The following MFSD2B variants were observed in gnomAD, a reference collection of about 807,000 sequenced individuals.
MFSD2B encodes MFSD2 lysolipid transporter B, sphingolipid.
Under a neutral mutation model 58.4 loss-of-function variants are expected in MFSD2B, and 56 were observed. That is an observed-to-expected ratio of 0.96 (90% confidence interval 0.77 to 1.20). MFSD2B has a LOEUF of 1.20. MFSD2B is among the 50% of genes most tolerant of loss of function. MFSD2B has a pLI of 0.00. For missense variants in MFSD2B, 645 were observed against 667.6 expected (o/e 0.97, Z 0.37); for synonymous variants, 287 against 294.4 (o/e 0.97, Z 0.26).
rs544823996 is a variant in MFSD2B at position 24,025,615 on chromosome 2, G to A, written c.*159G>A. The A allele has an allele frequency of 7.4e-4, 494 of 663,626 alleles. No individual in the cohort carries two copies. The African/African-American group carries it at 8.1e-3, about 11-fold the overall frequency. 41.1% of individuals were successfully genotyped at this position (663,626 alleles called of 1,614,324 possible). ...CAACGTGTCCTGAAGGGACTGGCCC[G>A]CACTCCAGGACCCCACTTGGCATTT... On this transcript the variant is annotated 3_prime_UTR_variant, in exon 14 of 14. Transcript: ENST00000338315.
chr2:24,011,366 G>A (rs1438253925), intron 1 of MFSD2B, among the ~76,000 whole-genome samples: 1 of 152,220 alleles, frequency 6.6e-6, no homozygotes, highest in Non-Finnish European at 1.5e-5. Context: ...GGACTGTCAC[G>A]TTGAATTCTG....
At chr2:24,010,245 G>A in intron 1 of MFSD2B, 53 bp downstream of exon 1, 6 of 1,289,606 alleles carry the variant, frequency 4.7e-6, no homozygotes, top group Non-Finnish European at 6.0e-6. Flanking sequence ...GGAGCTCCAG[G>A]GCGTCGCCTC....
intron 6 of MFSD2B, among the ~76,000 whole-genome samples, chr2:24,019,423 C>T (rs1020678705): frequency 2.0e-5 from 3 of 151,998 alleles, no homozygotes; most frequent in Admixed American, 6.6e-5. Flanking sequence ...GCCCACCACC[C>T]ATTCAAGAAA....
intron 6 of MFSD2B, chr2:24,018,595 G>T: frequency 5.5e-6 from 1 of 182,796 alleles, no homozygotes; most frequent in Admixed American, 6.3e-5. Context: ...ACCATAATGG[G>T]TGTAGGGGCC....
In MFSD2B at chr2:24,023,408, C is replaced by G. The variant is rs892342665; in HGVS notation, c.1169+169C>G. The G allele has an allele frequency of 3.2e-6, 3 of 924,858 alleles. No homozygotes were observed. Among genetic ancestry groups the G allele is most frequent in the South Asian group, 3.1e-5 (2 of 63,562 alleles). The allele number at this position is 924,858 out of a possible 1,614,324, so 57.3% of individuals were successfully genotyped here. A position where few individuals can be genotyped will look rare whatever the true frequency, so the allele number is the denominator to read the frequency against. On this transcript the variant is annotated intron_variant, in intron 11 of 13. Transcript: ENST00000338315. The surrounding 1 kb of genome is among the most constrained non-coding windows in gnomAD (Gnocchi z 5.0). ...ATCAGGCAGTAGGAATGGCGGGGGG[C>G]CGGCAGGGGGCTGGCGGGGGGTACG...
Position 24,023,770 on chromosome 2 carries a change from T to TG in MFSD2B, c.1313+47dup. The TG allele has an allele frequency of 6.2e-7, 1 of 1,603,944 alleles. No individual in the cohort carries two copies. The highest frequency in any genetic ancestry group is 8.5e-7 in the Non-Finnish European group (1 of 1,173,640). On this transcript the variant is annotated intron_variant, in intron 12 of 13. Transcript: ENST00000338315. The surrounding 1 kb of genome is among the most constrained non-coding windows in gnomAD (Gnocchi z 5.0). Reference sequence around the variant, plus strand: ...ATACAGCAGAGGCACCAAGGACCAGTGGGCAGGAAGAGGGCAAAGCCCCTC... The same window carrying TG: ...ATACAGCAGAGGCACCAAGGACCAGTGGGGCAGGAAGAGGGCAAAGCCCCTC...
chr2:24,010,179 A>G lies in MFSD2B; in HGVS notation c.83A>G (p.Lys28Arg). 1.4e-6 allele frequency: 2 copies of G among 1,432,858 alleles called. No individual in the cohort carries two copies. The highest frequency in any genetic ancestry group is 9.1e-7 in the Non-Finnish European group (1 of 1,098,566). 88.8% of individuals were successfully genotyped at this position (1,432,858 alleles called of 1,614,324 possible). The change falls in exon 1 of 14, where the codon AAG becomes AGG. Residue 28 changes from lysine (K) to arginine (R), a missense_variant. Transcript: ENST00000338315. ...HAPEPGPGSA[K>R]RGREDSRAGR... ...CCAGAGCCCGGCCCGGGGAGCGCCA[A>G]GCGAGGGCGAGAGGTGAGCGGGGCG...
intron 3 of MFSD2B, among the ~76,000 whole-genome samples, 153 bp from the exon 4 acceptor site, chr2:24,016,692 G>A (rs1228676097): frequency 4.6e-5 from 7 of 152,198 alleles, no homozygotes; most frequent in Non-Finnish European, 4.4e-5. Flanking sequence ...ATGACCCATC[G>A]GCCACTTCTC....
chr2:24,016,492 T>G (rs1709150688), intron 3 of MFSD2B, among the ~76,000 whole-genome samples: 1 of 152,182 alleles, frequency 6.6e-6, no homozygotes, highest in Non-Finnish European at 1.5e-5. Flanking sequence ...CGGGGCTGGA[T>G]GAAGCCTCCA....
intron 6 of MFSD2B, chr2:24,018,800 T>C (rs1319445176): frequency 6.1e-6 from 1 of 163,994 alleles, no homozygotes; most frequent in Non-Finnish European, 1.3e-5. Flanking sequence ...AGCCTTCATG[T>C]AGGCCTCTCC....
At chr2:24,018,436 T>G (rs996383295) in intron 6 of MFSD2B, 1 of 180,738 alleles carries the variant, frequency 5.5e-6, no homozygotes, top group African/African-American at 2.4e-5. Context: ...TGCCTCCTGT[T>G]CTGCCCACGA....
Position 24,012,668 on chromosome 2 carries a change from G to A in MFSD2B, c.97-617G>A, listed in dbSNP as rs1443232723. Among the ~76,000 whole-genome samples the A allele has an allele frequency of 1.3e-5, 2 of 152,228 alleles. No individual in the cohort carries two copies. Among genetic ancestry groups the A allele is most frequent in the African/African-American group, 2.4e-5 (1 of 41,464 alleles). On this transcript the variant is annotated intron_variant, in intron 1 of 13. Coordinates refer to ENST00000338315, the MANE Select transcript of MFSD2B (RefSeq NM_001346880.2). This position sits in a 1 kb window ranked among gnomAD's most constrained non-coding sequence, Gnocchi z 4.5. ...GGAAAGAAGAATAGATGACTCCTAA[G>A]TTTGTGGCCTGAGCCACTGAGGGGA...
At chr2:24,011,106 GC>G (rs1186195434) in intron 1 of MFSD2B, among the ~76,000 whole-genome samples, 1 of 152,224 alleles carries the variant, frequency 6.6e-6, no homozygotes, top group Non-Finnish European at 1.5e-5. Context: ...GAGGTGCCCT[GC>G]CCTGGGTCAC....
chr2:24,015,778 A>G (rs1709121108), intron 2 of MFSD2B, among the ~76,000 whole-genome samples: 1 of 147,972 alleles, frequency 6.8e-6, no homozygotes, highest in South Asian at 2.2e-4. Context: ...CTGAGCCAGA[A>G]TGTTTTTCTA....
At position 24,022,447 on chromosome 2, in the gene MFSD2B, C is replaced by A; in HGVS notation, c.909C>A (p.Tyr303Ter). 1 of 1,613,156 alleles carries A rather than the reference C, an allele frequency of 6.2e-7. No homozygotes were observed. The highest frequency in any genetic ancestry group is 8.5e-7 in the Non-Finnish European group (1 of 1,179,608). Residue 303 changes from tyrosine to a stop codon, truncating the protein, a stop_gained, in exon 9 of 14, where the codon TAC becomes TAA. Coordinates refer to ENST00000338315, the MANE Select transcript of MFSD2B (RefSeq NM_001346880.2). LOFTEE classifies it high-confidence loss of function. The surrounding 1 kb of genome is among the most constrained non-coding windows in gnomAD (Gnocchi z 4.5). ...CATCTCCTCAGGTGGAGCAGAGCTA[C>A]CTGGTCCTGTTCTGTACACATGCCT... Reference protein sequence around the residue: ...ISAAVQVEQSYLVLFCTHASQ... With the variant: ...ISAAVQVEQS
intron 3 of MFSD2B, 38 bp downstream of exon 3, chr2:24,016,318 G>GACC: frequency 1.3e-6 from 2 of 1,597,460 alleles, no homozygotes; most frequent in Non-Finnish European, 1.7e-6. Flanking sequence ...CAGGCACCTG[G>GACC]TCCTGGCCCT....
chr2:24,018,802 G>C (rs1461648844), intron 6 of MFSD2B: 1 of 163,132 alleles, frequency 6.1e-6, no homozygotes, highest in Non-Finnish European at 1.3e-5. Context: ...CCTTCATGTA[G>C]GCCTCTCCTC....
rs1207601578 is a variant in MFSD2B, at chr2:24,010,181, C to A, written c.85C>A (p.Arg29=). The change falls in exon 1 of 14, where the codon CGA becomes AGA. Residue 29 remains arginine (R), a synonymous_variant. Coordinates refer to ENST00000338315, the MANE Select transcript of MFSD2B (RefSeq NM_001346880.2). ...AGAGCCCGGCCCGGGGAGCGCCAAG[C>A]GAGGGCGAGAGGTGAGCGGGGCGGC... ...APEPGPGSAK[R]GREDSRAGRL... The A allele has an allele frequency of 7.0e-7, 1 of 1,432,628 alleles. No individual in the cohort carries two copies. Among genetic ancestry groups the A allele is most frequent in the Non-Finnish European group, 9.1e-7 (1 of 1,098,496 alleles). The allele number at this position is 1,432,628 out of a possible 1,614,324, so 88.7% of individuals were successfully genotyped here.
rs891603491 is a variant in MFSD2B at position 24,010,195 on chromosome 2, G to A, written c.96+3G>A. On this transcript the variant is annotated splice_donor_region_variant and intron_variant, in intron 1 of 13. Transcript: ENST00000338315. ...GGAGCGCCAAGCGAGGGCGAGAGGTGAGCGGGGCGGCGGGGACCGGGAAGG... is the reference window on the plus strand; with the variant it reads ...GGAGCGCCAAGCGAGGGCGAGAGGTAAGCGGGGCGGCGGGGACCGGGAAGG... 100 of 1,403,004 alleles carry A rather than the reference G, an allele frequency of 7.1e-5. No individual in the cohort carries two copies. The highest frequency in any genetic ancestry group is 5.4e-4 in the Admixed American group (17 of 31,696). 86.9% of individuals were successfully genotyped at this position (1,403,004 alleles called of 1,614,324 possible).
Sources: allele counts gnomAD v4.1 joint callset (sites outside exome capture counted in the v4.1 genomes callset), GRCh38; gene constraint gnomAD v4.1.1; non-coding constraint Gnocchi (gnomAD v3.1); transcripts MANE v1.5; gene names NCBI Gene and HGNC (gene_info 2026-07-23, HGNC 2026-07-21).